The following ADAMTSL1 variants were observed in gnomAD, a reference collection of about 807,000 sequenced individuals.
The protein encoded by ADAMTSL1 is ADAMTS like 1, also known as ADAMTS-like protein 1.
In ADAMTSL1, 126 loss-of-function variants were observed where a neutral mutation model predicts 201.8. That is an observed-to-expected ratio of 0.62 (90% CI 0.54 to 0.72). ADAMTSL1 has a LOEUF of 0.72. Ranked by LOEUF, ADAMTSL1 falls within the 30% of genes least tolerant of loss-of-function variation. ADAMTSL1 has a pLI of 0.00. For synonymous variants in ADAMTSL1, 1,121 were observed against 903.4 expected, an observed-to-expected ratio of 1.24 and a Z score of -4.32; for missense variants, 2,679 against 2,277.8, an observed-to-expected ratio of 1.18 and a Z score of -3.59.
chr9:18,286,980 C>G (rs1833014452), intron 2 of ADAMTSL1, among the ~76,000 whole-genome samples: 1 of 152,156 alleles, frequency 6.6e-6, no homozygotes, highest in Non-Finnish European at 1.5e-5. Context: ...GTATAAAACA[C>G]TATCAGCCAG....
At chr9:18,591,951 T>C (rs1449064236) in intron 4 of ADAMTSL1, among the ~76,000 whole-genome samples, 1 of 152,216 alleles carries the variant, frequency 6.6e-6, no homozygotes, top group Non-Finnish European at 1.5e-5. Flanking sequence ...GCAAAACTTA[T>C]AGCCCAATTC....
At chr9:18,770,968 C>T (rs75345322) in intron 17 of ADAMTSL1, among the ~76,000 whole-genome samples, 187 bp downstream of exon 17, 11 of 152,292 alleles carry the variant, frequency 7.2e-5, no homozygotes, top group Admixed American at 2.0e-4. Flanking sequence ...ACCTGAGTTA[C>T]GCAGCCAGCC....
rs549294858 is a variant in ADAMTSL1, at chr9:18,729,407, G to A, written c.2006+7742G>A. 1.5e-4 allele frequency among the ~76,000 whole-genome samples: 23 copies of A among 152,238 alleles called. 1 individual carries two copies. In the South Asian group the frequency reaches 3.1e-3, roughly 21 times the overall value. On this transcript the variant is annotated intron_variant, in intron 15 of 28. Coordinates refer to ENST00000380548, the MANE Select transcript of ADAMTSL1 (RefSeq NM_001040272.6). ...AACAGGAACTGGCTTTAACTATAAA[G>A]AGCCACGAGAAGTCTGCAGGGAGCA...
chr9:18,044,994 G>T (rs559126534), intron 1 of ADAMTSL1, among the ~76,000 whole-genome samples: 1 of 152,268 alleles, frequency 6.6e-6, no homozygotes, highest in East Asian at 1.9e-4. Flanking sequence ...ATGTAAACCA[G>T]TTGAGAATAG....
chr9:18,178,322 CT>C (rs1828275382), intron 2 of ADAMTSL1, among the ~76,000 whole-genome samples: 1 of 152,166 alleles, frequency 6.6e-6, no homozygotes, highest in African/African-American at 2.4e-5. Context: ...TTCCGACGGG[CT>C]TAAAAAACGG....
At chr9:18,291,697 GCTCTCTCTCTCTCTCTCTTTCTCT>G (rs1259247865) in intron 2 of ADAMTSL1, among the ~76,000 whole-genome samples, 3 of 132,610 alleles carry the variant, frequency 2.3e-5, no homozygotes, top group Admixed American at 2.2e-4. Flanking sequence ...GTGCGCACAT[GCTCTCTCTCTCTCTCTCTTTCTCT>G]CTCTCTCTCT....
At chr9:18,592,529 T>C (rs1823990866) in intron 4 of ADAMTSL1, among the ~76,000 whole-genome samples, 1 of 152,156 alleles carries the variant, frequency 6.6e-6, no homozygotes, top group South Asian at 2.1e-4. Context: ...TTGGTTGTTG[T>C]CAACTTTCGA....
At chr9:18,090,027 C>G (rs1823939874) in intron 1 of ADAMTSL1, among the ~76,000 whole-genome samples, 1 of 152,132 alleles carries the variant, frequency 6.6e-6, no homozygotes, top group Non-Finnish European at 1.5e-5. Flanking sequence ...CATTTGTTAG[C>G]ACTTTCATTT....
intron 1 of ADAMTSL1, among the ~76,000 whole-genome samples, chr9:18,068,479 C>G (rs762750946): frequency 2.0e-5 from 3 of 152,078 alleles, no homozygotes; most frequent in Non-Finnish European, 2.9e-5. Context: ...ATATAAGGAA[C>G]TTAAACATGT....
intron 1 of ADAMTSL1, among the ~76,000 whole-genome samples, chr9:18,163,353 C>T (rs146734106): frequency 7.8e-4 from 119 of 152,104 alleles, no homozygotes; most frequent in African/African-American, 2.5e-3. Flanking sequence ...TACCTCCTTC[C>T]GGAGCAGCTA....
chr9:18,099,698 C>T (rs895953415), intron 1 of ADAMTSL1, among the ~76,000 whole-genome samples: 5 of 146,128 alleles, frequency 3.4e-5, no homozygotes, highest in East Asian at 4.0e-4. Flanking sequence ...AATGCAGTGG[C>T]GCAATCTTGG....
chr9:18,186,233 G>T (rs1245919689), intron 2 of ADAMTSL1, among the ~76,000 whole-genome samples: 4 of 152,156 alleles, frequency 2.6e-5, no homozygotes. Flanking sequence ...ATGAGAGGAA[G>T]AGATCTTCTT....
chr9:18,061,030 T>G (rs1441173868), intron 1 of ADAMTSL1, among the ~76,000 whole-genome samples: 1 of 152,020 alleles, frequency 6.6e-6, no homozygotes, highest in East Asian at 1.9e-4. Flanking sequence ...CGACTCAGAG[T>G]TTTTTGCAAT....
intron 1 of ADAMTSL1, among the ~76,000 whole-genome samples, chr9:18,148,880 C>G (rs1826776247): frequency 6.6e-6 from 1 of 152,078 alleles, no homozygotes; most frequent in African/African-American, 2.4e-5. Flanking sequence ...GGCTCTAAGT[C>G]TATATGTAAT....
At chr9:18,573,212 A>G (rs145967880) in intron 3 of ADAMTSL1, 30 of 153,800 alleles carry the variant, frequency 2.0e-4, no homozygotes, top group African/African-American at 7.2e-4. Flanking sequence ...TCATTAAATA[A>G]TCATAGTAAT....
At chr9:18,706,153 G>T (rs1248206539) in intron 13 of ADAMTSL1, among the ~76,000 whole-genome samples, 1 of 152,206 alleles carries the variant, frequency 6.6e-6, no homozygotes, top group Non-Finnish European at 1.5e-5. Context: ...TCCAGGAAAG[G>T]AATGGAGAAT....
intron 1 of ADAMTSL1, among the ~76,000 whole-genome samples, chr9:17,933,696 A>G (rs1826891924): frequency 6.6e-6 from 1 of 152,116 alleles, no homozygotes; most frequent in African/African-American, 2.4e-5. Context: ...CTCATCTTAC[A>G]TGGCTGGAAC....
chr9:18,031,744 C>A (rs1000733219), intron 1 of ADAMTSL1, among the ~76,000 whole-genome samples: 2 of 152,152 alleles, frequency 1.3e-5, no homozygotes, highest in African/African-American at 4.8e-5. Context: ...TGTTGGGCTG[C>A]ATTCTCCCCT....
At chr9:18,902,044 G>A (rs973856717) in intron 26 of ADAMTSL1, among the ~76,000 whole-genome samples, 1 of 152,114 alleles carries the variant, frequency 6.6e-6, no homozygotes, top group South Asian at 2.1e-4. Flanking sequence ...AGTGATAAAA[G>A]GGTCAATATA....
Sources: allele counts gnomAD v4.1 joint callset (sites outside exome capture counted in the v4.1 genomes callset), GRCh38; gene constraint gnomAD v4.1.1; transcripts MANE v1.5; gene names NCBI Gene and HGNC (gene_info 2026-07-23, HGNC 2026-07-21).